Variants in FMN2 observed in about 807,000 individuals in gnomAD.
FMN2 encodes formin-2.
In FMN2, 51 loss-of-function variants were observed where a neutral mutation model predicts 142.3. That is an observed-to-expected ratio of 0.36 (90% CI 0.29 to 0.45). FMN2 has a LOEUF of 0.45. Among genes scored for constraint, FMN2 ranks in the 20% least tolerant of loss-of-function variants. The pLI is 1.00. For missense variants in FMN2, 1,936 were observed against 2,122.8 expected (o/e 0.91, Z 1.73); for synonymous variants, 882 against 869.8 (o/e 1.01, Z -0.25).
At chr1:240,340,048 A>G (rs1425058181) in intron 13 of FMN2, among the ~76,000 whole-genome samples, 2 of 152,092 alleles carry the variant, frequency 1.3e-5, no homozygotes, top group Non-Finnish European at 2.9e-5. Context: ...ATTCTTCTAA[A>G]TAAGATGAAT....
intron 8 of FMN2, among the ~76,000 whole-genome samples, chr1:240,323,011 T>C (rs1671027036): frequency 6.6e-6 from 1 of 152,132 alleles, no homozygotes; most frequent in South Asian, 2.1e-4. Context: ...CTCCTCTTTA[T>C]TTTCCGTGGC....
At chr1:240,385,916 A>G (rs2103088095) in intron 14 of FMN2, among the ~76,000 whole-genome samples, 1 of 152,338 alleles carries the variant, frequency 6.6e-6, no homozygotes, top group South Asian at 2.1e-4. Context: ...AGTTGAAATA[A>G]CCCTCAGTAT....
In FMN2 at chr1:240,373,018, C is replaced by G. The variant is rs112200920; in HGVS notation, c.4858+17110C>G. Among the ~76,000 whole-genome samples, 170 of 152,200 alleles carry G rather than the reference C, an allele frequency of 1.1e-3. 1 individual carries two copies. The highest frequency in any genetic ancestry group is 3.8e-3 in the African/African-American group (159 of 41,534). On this transcript the variant is annotated intron_variant, in intron 14 of 17. Coordinates refer to ENST00000319653, the MANE Select transcript of FMN2 (RefSeq NM_020066.5). ...TGACCAACACGGTGAAACCTCACCT[C>G]TACTAAAAACACAAAAAGTAGCGCG... is the stretch of plus-strand genomic sequence containing the variant.
Position 240,207,523 on chromosome 1 carries a change from G to A in FMN2, c.2711G>A (p.Gly904Asp), listed in dbSNP as rs1210321715. 36 of 1,612,976 alleles carry A rather than the reference G, an allele frequency of 2.2e-5. No individual in the cohort carries two copies. Among genetic ancestry groups the A allele is most frequent in the Non-Finnish European group, 2.9e-5 (34 of 1,179,766 alleles). The change falls in exon 5 of 18, where the codon GGT (glycine) becomes GAT (aspartate). Residue 904 changes from glycine to aspartate, a missense_variant. Physicochemically the swap from Gly to Asp is moderately conservative, Grantham distance 94 (BLOSUM62 -1). Coordinates refer to ENST00000319653, the MANE Select transcript of FMN2 (RefSeq NM_020066.5). ...ATTCCCCAACCTCCTCCTCTGCAGG[G>A]TACAGAAATGCTGCCACCCCCTCCC... ...TAIPQPPPLQ[G>D]TEMLPPPPPP...
intron 8 of FMN2, among the ~76,000 whole-genome samples, chr1:240,316,995 A>G (rs531072920): frequency 3.2e-3 from 483 of 152,250 alleles, no homozygotes; most frequent in Non-Finnish European, 3.6e-3. Context: ...GTTGATTCCT[A>G]TAATTATCAG....
chr1:240,107,501 A>C (rs1661657135), intron 1 of FMN2, among the ~76,000 whole-genome samples: 1 of 152,186 alleles, frequency 6.6e-6, no homozygotes, highest in Non-Finnish European at 1.5e-5. Context: ...AATTAAAAAA[A>C]CATTTTTCTT....
intron 15 of FMN2, among the ~76,000 whole-genome samples, chr1:240,412,422 G>A (rs1032089054): frequency 6.6e-6 from 1 of 152,158 alleles, no homozygotes; most frequent in Non-Finnish European, 1.5e-5. Context: ...AGAGAGATTG[G>A]ATGGAATGTA....
chr1:240,234,779 C>G (rs1310429671), intron 6 of FMN2, among the ~76,000 whole-genome samples: 1 of 152,176 alleles, frequency 6.6e-6, no homozygotes, highest in African/African-American at 2.4e-5. Context: ...AAGGTTTATT[C>G]TCTTCATGAC....
At chr1:240,214,634 G>A (rs907302211) in intron 6 of FMN2, among the ~76,000 whole-genome samples, 4 of 151,958 alleles carry the variant, frequency 2.6e-5, no homozygotes, top group African/African-American at 7.3e-5. Flanking sequence ...ATTCACACTT[G>A]CCCAATTTTA....
chr1:240,245,568 A>G, intron 6 of FMN2: 3 of 471,324 alleles, frequency 6.4e-6, no homozygotes, highest in South Asian at 4.6e-5. Flanking sequence ...AGAGGATGGT[A>G]AGTGTCTGGT....
At chr1:240,443,051 T>C (rs1396827556) in intron 16 of FMN2, among the ~76,000 whole-genome samples, 2 of 152,184 alleles carry the variant, frequency 1.3e-5, no homozygotes, top group Non-Finnish European at 2.9e-5. Flanking sequence ...TTAATAAAAA[T>C]GGTATCCTGG....
At chr1:240,446,708 A>G (rs537198457) in intron 16 of FMN2, among the ~76,000 whole-genome samples, 2 of 152,314 alleles carry the variant, frequency 1.3e-5, no homozygotes, top group South Asian at 2.1e-4. Flanking sequence ...TTTGAATAAT[A>G]TCAAATTAAC....
chr1:240,317,317 G>GAA (rs1670822334), intron 8 of FMN2, among the ~76,000 whole-genome samples: 1 of 130,032 alleles, frequency 7.7e-6, no homozygotes, highest in Non-Finnish European at 1.7e-5. Context: ...AAAAGAAAAA[G>GAA]AAAAGAAAGA....
At chr1:240,217,110 T>G (rs559403191) in intron 6 of FMN2, among the ~76,000 whole-genome samples, 1 of 152,332 alleles carries the variant, frequency 6.6e-6, no homozygotes, top group East Asian at 1.9e-4. Context: ...TTGAGGAATC[T>G]GGGAGAACAA....
intron 15 of FMN2, among the ~76,000 whole-genome samples, chr1:240,406,924 T>A (rs1158220153): frequency 6.6e-6 from 1 of 152,182 alleles, no homozygotes. Flanking sequence ...TTGGAGTATA[T>A]TGAGTGAACT....
chr1:240,413,514 G>T (rs975088524), intron 15 of FMN2, among the ~76,000 whole-genome samples: 1 of 152,154 alleles, frequency 6.6e-6, no homozygotes, highest in Admixed American at 6.5e-5. Flanking sequence ...GCCTTAATTG[G>T]CTTAGGAAAG....
chr1:240,105,959 GT>G (rs1028536595), intron 1 of FMN2, among the ~76,000 whole-genome samples: 19 of 152,056 alleles, frequency 1.2e-4, no homozygotes, highest in African/African-American at 4.1e-4. Flanking sequence ...AATATGGTAA[GT>G]TTTTGTGGAT....
At chr1:240,251,887 T>A (rs962226584) in intron 6 of FMN2, among the ~76,000 whole-genome samples, 2 of 152,152 alleles carry the variant, frequency 1.3e-5, no homozygotes, top group African/African-American at 4.8e-5. Flanking sequence ...ATTTCCTTAA[T>A]TGATTTCTGT....
rs77645789 is a variant in FMN2, at chr1:240,118,638, T to C, written c.1616-4541T>C. On this transcript the variant is annotated intron_variant, in intron 1 of 17. Coordinates refer to ENST00000319653, the MANE Select transcript of FMN2 (RefSeq NM_020066.5). ...CTTCTGGAGGTTGTACGGTTCCTGA[T>C]AGTGACCAATATGAGGCTGTGAGAT... Among the ~76,000 whole-genome samples, 648 of 152,242 alleles carry C rather than the reference T, an allele frequency of 4.3e-3. 4 individuals carry two copies. The highest frequency in any genetic ancestry group is 0.015 in the African/African-American group (611 of 41,530).
Sources: allele counts gnomAD v4.1 joint callset (sites outside exome capture counted in the v4.1 genomes callset), GRCh38; gene constraint gnomAD v4.1.1; transcripts MANE v1.5; gene names NCBI Gene and HGNC (gene_info 2026-07-23, HGNC 2026-07-21).